RAP1A: variants seen among roughly 807,000 people sequenced by gnomAD.
RAP1A encodes the protein ras-related protein Rap-1A.
Under a neutral mutation model 26.4 loss-of-function variants are expected in RAP1A, and 6 were observed. That is an observed-to-expected ratio of 0.23 (90% confidence interval 0.12 to 0.45). RAP1A has a LOEUF of 0.45. Ranked by LOEUF, RAP1A falls within the 20% of genes least tolerant of loss-of-function variation. RAP1A has a pLI of 0.99. For synonymous variants in RAP1A, 73 were observed against 79.4 expected, an observed-to-expected ratio of 0.92 and a Z score of 0.43; for missense variants, 121 against 217.2, an observed-to-expected ratio of 0.56 and a Z score of 2.78.
intron 1 of RAP1A, chr1:111,542,656 C>G (rs567854077): frequency 6.5e-6 from 1 of 152,764 alleles, no homozygotes; most frequent in South Asian, 2.1e-4. Flanking sequence ...TACATCCAGA[C>G]CAGTTCCTAG....
chr1:111,570,670 A>C (rs1658031917), intron 1 of RAP1A, among the ~76,000 whole-genome samples: 1 of 152,178 alleles, frequency 6.6e-6, no homozygotes, highest in Non-Finnish European at 1.5e-5. Context: ...GCTTCTGGTG[A>C]GGGTTTTTGT....
chr1:111,598,463 ACTT>A (rs926301035), intron 1 of RAP1A, among the ~76,000 whole-genome samples: 7 of 151,710 alleles, frequency 4.6e-5, no homozygotes, highest in Non-Finnish European at 8.8e-5. Context: ...TTTGAGGAGC[ACTT>A]TTTTTTTTGT....
At chr1:111,703,275 T>C in intron 4 of RAP1A, 61 bp from the exon 5 acceptor site, 3 of 1,139,294 alleles carry the variant, frequency 2.6e-6, no homozygotes, top group Non-Finnish European at 3.6e-6. Flanking sequence ...CTGTTTTAAA[T>C]TGTTGCAGTA....
chr1:111,669,668 C>T (rs767645862), intron 1 of RAP1A, among the ~76,000 whole-genome samples: 17 of 152,120 alleles, frequency 1.1e-4, no homozygotes, highest in Non-Finnish European at 2.1e-4. Context: ...CTTAACTAAT[C>T]CAAGAAGAGC....
chr1:111,564,378 G>T (rs1473947488), intron 1 of RAP1A, among the ~76,000 whole-genome samples: 1 of 152,112 alleles, frequency 6.6e-6, no homozygotes, highest in Non-Finnish European at 1.5e-5. Context: ...GCCTAGCTTG[G>T]TGGCTTATGC....
chr1:111,662,372 G>A (rs538536608), intron 1 of RAP1A, among the ~76,000 whole-genome samples: 4 of 143,192 alleles, frequency 2.8e-5, no homozygotes, highest in Non-Finnish European at 6.0e-5. Context: ...TCAGGCTTGG[G>A]CGAAAGAGCG....
At chr1:111,555,445 T>C (rs1056487239) in intron 1 of RAP1A, among the ~76,000 whole-genome samples, 10 of 147,446 alleles carry the variant, frequency 6.8e-5, no homozygotes, top group Non-Finnish European at 1.3e-4. Flanking sequence ...AAATTTTTAA[T>C]GTAATAATTA....
chr1:111,713,803 A>G lies in RAP1A; in HGVS notation c.*1402A>G, dbSNP rs1467883454. On this transcript the variant is annotated 3_prime_UTR_variant, in exon 8 of 8. Transcript: ENST00000369709. ...ACATGGACCCAGGGTGATACTACTT[A>G]TGTAGTCTCTATAAAGAGAGGTAGA... The G allele has an allele frequency of 6.6e-6, 1 of 152,186 alleles. No homozygotes were observed. The highest frequency in any genetic ancestry group is 2.4e-5 in the African/African-American group (1 of 41,454). 9.4% of individuals were successfully genotyped at this position (152,186 alleles called of 1,614,324 possible).
At chr1:111,668,228 G>A (rs1398462801) in intron 1 of RAP1A, among the ~76,000 whole-genome samples, 1 of 152,176 alleles carries the variant, frequency 6.6e-6, no homozygotes, top group Non-Finnish European at 1.5e-5. Context: ...CCAGGCACTT[G>A]CAGAAGCAAA....
At chr1:111,607,717 G>T (rs1192908431) in intron 1 of RAP1A, among the ~76,000 whole-genome samples, 3 of 146,348 alleles carry the variant, frequency 2.0e-5, no homozygotes, top group African/African-American at 7.6e-5. Flanking sequence ...CCTCCCGGAC[G>T]GGGCGGCTGG....
intron 4 of RAP1A, 24 bp from the exon 5 acceptor site, chr1:111,703,312 A>G (rs1318331562): frequency 6.9e-7 from 1 of 1,445,864 alleles, no homozygotes; most frequent in Non-Finnish European, 9.3e-7. Flanking sequence ...ATATATTTAT[A>G]ATTGCATATT....
At chr1:111,565,705 G>A (rs1239530388) in intron 1 of RAP1A, among the ~76,000 whole-genome samples, 2 of 152,164 alleles carry the variant, frequency 1.3e-5, no homozygotes, top group African/African-American at 4.8e-5. Context: ...GTTTTGGTAG[G>A]ACTACTTCTA....
At chr1:111,703,569 GCTAT>G in intron 5 of RAP1A, 93 bp downstream of exon 5, 1 of 1,222,926 alleles carries the variant, frequency 8.2e-7, no homozygotes, top group Non-Finnish European at 1.1e-6. Context: ...GGATTTGGAA[GCTAT>G]CTACCACATG....
At chr1:111,707,738 A>G (rs1195116908) in intron 6 of RAP1A, among the ~76,000 whole-genome samples, 1 of 152,222 alleles carries the variant, frequency 6.6e-6, no homozygotes, top group African/African-American at 2.4e-5. Flanking sequence ...GTTGTATTTC[A>G]TAGCAAAGCT....
chr1:111,544,370 T>C (rs1337910), intron 1 of RAP1A, among the ~76,000 whole-genome samples: 139,066 of 152,192 alleles, frequency 0.91, 64,349 homozygotes, highest in Non-Finnish European at 0.99. Context: ...CAATTTCCTC[T>C]TCCCCTCATC....
chr1:111,620,064 C>A, intron 1 of RAP1A, 130 bp downstream of exon 1: 1 of 392,242 alleles, frequency 2.5e-6, no homozygotes, highest in East Asian at 3.6e-5. Flanking sequence ...CGCGTTCCAT[C>A]GGTGTCGGGG....
chr1:111,673,753 G>A (rs1462760651), intron 1 of RAP1A, among the ~76,000 whole-genome samples: 1 of 152,148 alleles, frequency 6.6e-6, no homozygotes, highest in African/African-American at 2.4e-5. Context: ...TTTCTAACTT[G>A]GCAGTAATGA....
At chr1:111,622,379 C>T (rs540924720) in intron 1 of RAP1A, among the ~76,000 whole-genome samples, 1 of 151,570 alleles carries the variant, frequency 6.6e-6, no homozygotes, top group Non-Finnish European at 1.5e-5. Context: ...TGTACTCCAG[C>T]CACACTGGCC....
At chr1:111,637,476 T>G (rs1659760717) in intron 1 of RAP1A, among the ~76,000 whole-genome samples, 1 of 152,034 alleles carries the variant, frequency 6.6e-6, no homozygotes, top group Admixed American at 6.5e-5. Context: ...ATAAGAATTA[T>G]TTTTTTGCCC....
Sources: gnomAD v4.1 joint callset for allele counts (sites outside exome capture counted in the v4.1 genomes callset) on GRCh38, gnomAD v4.1.1 for gene constraint, MANE v1.5 for transcripts, NCBI Gene and HGNC (gene_info 2026-07-23, HGNC 2026-07-21) for gene names.